The following NEDD4L variants were observed in gnomAD, a reference collection of about 807,000 sequenced individuals.
NEDD4L encodes the protein E3 ubiquitin-protein ligase NEDD4-like.
In NEDD4L, 54 loss-of-function variants were observed where a neutral mutation model predicts 148.9. The ratio of observed to expected loss-of-function variants is 0.36; its 90% confidence interval spans 0.29 to 0.45. NEDD4L has a LOEUF of 0.45. Ranked by LOEUF, NEDD4L falls within the 20% of genes least tolerant of loss-of-function variation. NEDD4L has a pLI of 1.00. For missense variants in NEDD4L, 856 were observed against 1,233.8 expected, an observed-to-expected ratio of 0.69 and a Z score of 4.59; for synonymous variants, 433 against 440.7, an observed-to-expected ratio of 0.98 and a Z score of 0.22.
At chr18:58,078,017 T>G (rs1016443576) in intron 1 of NEDD4L, among the ~76,000 whole-genome samples, 2 of 13,210 alleles carry the variant, frequency 1.5e-4, no homozygotes, top group African/African-American at 6.4e-4. Context: ...AGAAACGTAT[T>G]TTTTTTTTTT....
chr18:58,047,824 ATC>A (rs2081656696), intron 1 of NEDD4L, among the ~76,000 whole-genome samples: 1 of 152,044 alleles, frequency 6.6e-6, no homozygotes, highest in Non-Finnish European at 1.5e-5. Flanking sequence ...ATTTTTGGCA[ATC>A]TGTAGTGCAT....
At chr18:58,220,180 C>T (rs904647087) in intron 2 of NEDD4L, among the ~76,000 whole-genome samples, 3 of 152,026 alleles carry the variant, frequency 2.0e-5, no homozygotes, top group African/African-American at 7.2e-5. Context: ...TTTGGGAGGC[C>T]GAGATGGGTG....
chr18:58,301,218 A>C (rs940021998), intron 5 of NEDD4L, among the ~76,000 whole-genome samples: 9 of 152,246 alleles, frequency 5.9e-5, no homozygotes, highest in African/African-American at 2.2e-4. Flanking sequence ...ATATCAGTTT[A>C]GCCCAGAGTA....
At chr18:58,325,410 T>A (rs1344039054) in intron 9 of NEDD4L, among the ~76,000 whole-genome samples, 1 of 152,262 alleles carries the variant, frequency 6.6e-6, no homozygotes, top group Non-Finnish European at 1.5e-5. Flanking sequence ...TTCTATGTCT[T>A]CTTTTATGTC....
chr18:58,268,091 C>G (rs1392557179), intron 5 of NEDD4L, among the ~76,000 whole-genome samples: 1 of 152,052 alleles, frequency 6.6e-6, no homozygotes, highest in Non-Finnish European at 1.5e-5. Context: ...TATTAACGTG[C>G]ATGCAGATTG....
In NEDD4L at chr18:58,154,928, C is replaced by T. The variant is rs1320004003; in HGVS notation, c.49-10860C>T. On this transcript the variant is annotated intron_variant, in intron 1 of 30. Coordinates refer to ENST00000400345, the MANE Select transcript of NEDD4L (RefSeq NM_001144967.3). ...TAGAAAAACAAAAGTGATGTGGAAG[C>T]GATTACTTCTGTCATTTTGGAACTA... 2.0e-5 allele frequency among the ~76,000 whole-genome samples: 3 copies of T among 152,156 alleles called. No individual in the cohort carries two copies. In the East Asian group the frequency reaches 5.8e-4, roughly 29 times the overall value.
intron 28 of NEDD4L, chr18:58,389,951 G>A (rs2049588589): frequency 6.6e-6 from 1 of 152,126 alleles, no homozygotes; most frequent in Admixed American, 6.5e-5. Context: ...TTACAGGCAT[G>A]AGCCACCATG....
At chr18:58,348,317 CT>C (rs1203938472) in intron 16 of NEDD4L, among the ~76,000 whole-genome samples, 4 of 115,884 alleles carry the variant, frequency 3.5e-5, no homozygotes, top group Non-Finnish European at 6.8e-5. Flanking sequence ...ATTTCTTTTT[CT>C]TTTTTTTCTT....
intron 2 of NEDD4L, among the ~76,000 whole-genome samples, chr18:58,174,554 C>T (rs960626362): frequency 1.3e-5 from 2 of 152,296 alleles, no homozygotes; most frequent in South Asian, 2.1e-4. Context: ...CACATTCCAT[C>T]GTGTCCTGGT....
At position 58,330,892 on chromosome 18, in the gene NEDD4L, G is replaced by C. The variant is rs991844120; in HGVS notation, c.968G>C (p.Gly323Ala). ...RRLQITPDSN[G>A]EQFSSLIQRE... Reference sequence around the variant, plus strand: ...CTTCAGATCACTCCAGACTCCAATGGGGAACAGTTCAGCTCTTTGATTGTA... The same window carrying C: ...CTTCAGATCACTCCAGACTCCAATGCGGAACAGTTCAGCTCTTTGATTGTA... The change falls in exon 11 of 31, where the codon GGG (glycine) becomes GCG (alanine). Residue 323 changes from glycine (G) to alanine (A), a missense_variant. This residue lies in a region of NEDD4L where 367 missense variants were observed against 422.7 expected (regional missense o/e 0.87). Transcript: ENST00000400345. 20 of 1,613,722 alleles carry C rather than the reference G, an allele frequency of 1.2e-5. No individual in the cohort carries two copies. In the Admixed American group the frequency reaches 2.2e-4, roughly 17 times the overall value.
At chr18:58,301,184 T>C (rs909907271) in intron 5 of NEDD4L, among the ~76,000 whole-genome samples, 3 of 152,208 alleles carry the variant, frequency 2.0e-5, no homozygotes, top group Admixed American at 6.5e-5. Context: ...TGACAACTTA[T>C]AGAGCTCATT....
At chr18:58,396,079 A>C in intron 30 of NEDD4L, 88 bp from the exon 31 acceptor site, 3 of 821,138 alleles carry the variant, frequency 3.7e-6, no homozygotes, top group Non-Finnish European at 5.8e-6. Flanking sequence ...AGGCTTTTTT[A>C]TTCTCTTACT....
At chr18:58,144,640 A>G (rs1453486888) in intron 1 of NEDD4L, among the ~76,000 whole-genome samples, 1 of 152,192 alleles carries the variant, frequency 6.6e-6, no homozygotes, top group African/African-American at 2.4e-5. Context: ...CTGATTATGA[A>G]AGTCAGTCCT....
At chr18:58,336,987 G>T (rs1172971076) in intron 13 of NEDD4L, among the ~76,000 whole-genome samples, 2 of 152,120 alleles carry the variant, frequency 1.3e-5, no homozygotes, top group African/African-American at 4.8e-5. Flanking sequence ...TTTGTATTTT[G>T]TTGGCCTTGC....
intron 2 of NEDD4L, among the ~76,000 whole-genome samples, chr18:58,177,454 G>A (rs2038304857): frequency 6.6e-6 from 1 of 152,112 alleles, no homozygotes; most frequent in Non-Finnish European, 1.5e-5. Flanking sequence ...AGGGAGAGGT[G>A]TGCATTAGGA....
intron 30 of NEDD4L, among the ~76,000 whole-genome samples, chr18:58,394,425 G>T (rs889554271): frequency 6.6e-6 from 1 of 152,202 alleles, no homozygotes; most frequent in Non-Finnish European, 1.5e-5. Context: ...GGGAAAAAAT[G>T]GTCACAGATT....
intron 9 of NEDD4L, among the ~76,000 whole-genome samples, chr18:58,328,334 G>A (rs2059495125): frequency 6.6e-6 from 1 of 152,212 alleles, no homozygotes; most frequent in Non-Finnish European, 1.5e-5. Context: ...ACAAAAAATA[G>A]GGTATGATGT....
At chr18:58,251,568 C>T (rs547838306) in intron 4 of NEDD4L, among the ~76,000 whole-genome samples, 22 of 150,168 alleles carry the variant, frequency 1.5e-4, no homozygotes, top group African/African-American at 3.7e-4. Flanking sequence ...TCTCTCTCTA[C>T]ACACACACAC....
At chr18:58,189,912 G>A (rs1034206480) in intron 2 of NEDD4L, 4 of 151,970 alleles carry the variant, frequency 2.6e-5, no homozygotes, top group African/African-American at 7.3e-5. Flanking sequence ...AGAGTTTTAC[G>A]ATCCATGTTA....
Sources: allele counts gnomAD v4.1 joint callset (sites outside exome capture counted in the v4.1 genomes callset), GRCh38; gene constraint gnomAD v4.1.1; regional missense constraint gnomAD v4.1.1; transcripts MANE v1.5; gene names NCBI Gene and HGNC (gene_info 2026-07-23, HGNC 2026-07-21).